The following ZNF704 variants were observed in gnomAD, a reference collection of about 807,000 sequenced individuals.
ZNF704 encodes the protein zinc finger protein 704.
ZNF704 carries 10 observed loss-of-function variants against 44.7 expected under a neutral mutation model. The ratio of observed to expected loss-of-function variants is 0.22; its 90% CI spans 0.14 to 0.38. The LOEUF (loss-of-function observed/expected upper bound fraction) is 0.38, where lower values mean the gene tolerates loss of function less well. Among genes scored for constraint, ZNF704 ranks in the 10% least tolerant of loss-of-function variants. The pLI is 1.00. For missense variants in ZNF704, 390 were observed against 545.5 expected, an observed-to-expected ratio of 0.71 and a Z score of 2.84; for synonymous variants, 211 against 207.6, an observed-to-expected ratio of 1.02 and a Z score of -0.14.
intron 1 of ZNF704, among the ~76,000 whole-genome samples, chr8:80,860,960 G>A (rs977730267): frequency 6.6e-6 from 1 of 152,128 alleles, no homozygotes; most frequent in African/African-American, 2.4e-5. Flanking sequence ...TGGGTGGTGG[G>A]GGGGCAGGAA....
intron 2 of ZNF704, among the ~76,000 whole-genome samples, chr8:80,806,504 G>A (rs770553654): frequency 1.1e-4 from 16 of 152,084 alleles, no homozygotes; most frequent in East Asian, 1.9e-4. Flanking sequence ...TGGACAATCC[G>A]AATTCATGTA....
chr8:80,757,956 T>A (rs1807064709), intron 2 of ZNF704, among the ~76,000 whole-genome samples: 1 of 152,172 alleles, frequency 6.6e-6, no homozygotes, highest in Non-Finnish European at 1.5e-5. Flanking sequence ...AGAATGCCTA[T>A]CCCCATAGTT....
At chr8:80,754,105 C>A (rs1206325633) in intron 2 of ZNF704, among the ~76,000 whole-genome samples, 2 of 152,304 alleles carry the variant, frequency 1.3e-5, no homozygotes, top group East Asian at 1.9e-4. Context: ...TACTCCCAAA[C>A]CTAAAGGGCC....
intron 4 of ZNF704, among the ~76,000 whole-genome samples, chr8:80,683,917 G>A (rs150076469): frequency 6.6e-6 from 1 of 151,818 alleles, no homozygotes; most frequent in African/African-American, 2.4e-5. Context: ...AGATAAGGAA[G>A]CTTCCATAAT....
chr8:80,761,997 G>T lies in ZNF704; in HGVS notation c.221+59377C>A, dbSNP rs543317354. On this transcript the variant is annotated intron_variant, in intron 2 of 8. Transcript: ENST00000327835. ...GAAATTTTATCTTTAACAAATGCAG[G>T]TGTACAAAAGGACATCTTCATTTAC... Among the ~76,000 whole-genome samples, 5 of 152,290 alleles carry T rather than the reference G, an allele frequency of 3.3e-5. No individual in the cohort carries two copies. The South Asian group carries it at 1.0e-3, about 32-fold the overall frequency.
intron 6 of ZNF704, among the ~76,000 whole-genome samples, chr8:80,662,297 T>C (rs1818114925): frequency 6.6e-6 from 1 of 152,198 alleles, no homozygotes; most frequent in Non-Finnish European, 1.5e-5. Context: ...CTTTACTGTG[T>C]TTAATATTTT....
chr8:80,840,050 A>T (rs1178617528), intron 1 of ZNF704, among the ~76,000 whole-genome samples: 1 of 152,170 alleles, frequency 6.6e-6, no homozygotes, highest in Non-Finnish European at 1.5e-5. Flanking sequence ...CTATATTTTT[A>T]CCTGGCACAT....
intron 2 of ZNF704, among the ~76,000 whole-genome samples, chr8:80,783,608 G>A (rs1453375935): frequency 2.0e-5 from 3 of 152,138 alleles, no homozygotes; most frequent in Non-Finnish European, 4.4e-5. Context: ...TTTTAGAGCA[G>A]TTTTAAGTTC....
intron 2 of ZNF704, among the ~76,000 whole-genome samples, chr8:80,712,600 A>G (rs1819004114): frequency 1.3e-5 from 2 of 152,048 alleles, no homozygotes; most frequent in Non-Finnish European, 2.9e-5. Context: ...AAATGTTTGG[A>G]TCTGTTGATG....
intron 2 of ZNF704, among the ~76,000 whole-genome samples, chr8:80,707,707 A>C (rs1017851130): frequency 6.6e-6 from 1 of 152,172 alleles, no homozygotes; most frequent in Admixed American, 6.5e-5. Context: ...GTTTATTCTC[A>C]TTTAAATTCG....
chr8:80,672,899 C>A (rs1047256894), intron 4 of ZNF704, among the ~76,000 whole-genome samples: 1 of 151,630 alleles, frequency 6.6e-6, no homozygotes, highest in Non-Finnish European at 1.5e-5. Flanking sequence ...GCATAGGTAC[C>A]CTGAATCTAA....
intron 1 of ZNF704, among the ~76,000 whole-genome samples, chr8:80,839,360 C>G (rs1808637231): frequency 6.6e-6 from 1 of 152,200 alleles, no homozygotes; most frequent in Non-Finnish European, 1.5e-5. Flanking sequence ...TACAATTTAT[C>G]ATTCCTTTGG....
intron 1 of ZNF704, among the ~76,000 whole-genome samples, chr8:80,852,959 C>A (rs554594477): frequency 2.0e-5 from 3 of 152,246 alleles, no homozygotes; most frequent in Admixed American, 6.5e-5. Flanking sequence ...TTTGGCCACT[C>A]AAGCACTGTT....
At chr8:80,877,185 GAA>G (rs5892744), upstream of ZNF704, among the ~76,000 whole-genome samples, 369 of 59,716 alleles carry the variant, frequency 6.2e-3, 1 homozygote, top group East Asian at 0.01. Flanking sequence ...CTCTGAATGG[GAA>G]AAAAAAAAAA....
At chr8:80,656,097 A>G (rs1818010608) in intron 7 of ZNF704, among the ~76,000 whole-genome samples, 1 of 152,164 alleles carries the variant, frequency 6.6e-6, no homozygotes, top group Non-Finnish European at 1.5e-5. Flanking sequence ...TCCTTTAAGA[A>G]GGGATAGCAG....
At chr8:80,795,969 T>C (rs1469114142) in intron 2 of ZNF704, among the ~76,000 whole-genome samples, 1 of 152,166 alleles carries the variant, frequency 6.6e-6, no homozygotes, top group Non-Finnish European at 1.5e-5. Flanking sequence ...TAATCACTTA[T>C]TGAAAACAAC....
intron 2 of ZNF704, among the ~76,000 whole-genome samples, chr8:80,698,456 A>G (rs902818138): frequency 1.3e-5 from 2 of 152,202 alleles, no homozygotes; most frequent in Non-Finnish European, 2.9e-5. Flanking sequence ...TGGGAGGGGC[A>G]GCCCAGGGAG....
At chr8:80,680,719 G>A (rs185047666) in intron 4 of ZNF704, among the ~76,000 whole-genome samples, 67 of 152,220 alleles carry the variant, frequency 4.4e-4, no homozygotes, top group Non-Finnish European at 2.5e-4. Flanking sequence ...GCTACCTCAC[G>A]GTTACACAGT....
At chr8:80,822,695 C>T (rs1349681069) in intron 1 of ZNF704, among the ~76,000 whole-genome samples, 2 of 152,154 alleles carry the variant, frequency 1.3e-5, no homozygotes, top group African/African-American at 4.8e-5. Flanking sequence ...TCTCCACATC[C>T]TCTCCAGCAC....
Sources: gnomAD v4.1 joint callset for allele counts (sites outside exome capture counted in the v4.1 genomes callset) on GRCh38, gnomAD v4.1.1 for gene constraint, MANE v1.5 for transcripts, NCBI Gene and HGNC (gene_info 2026-07-23, HGNC 2026-07-21) for gene names.